The following USP20 variants were observed in gnomAD, a reference collection of about 807,000 sequenced individuals.
USP20 encodes ubiquitin specific peptidase 20, also known as ubiquitin carboxyl-terminal hydrolase 20.
In USP20, 80 loss-of-function variants were observed where a neutral mutation model predicts 124.2. That is an observed-to-expected ratio of 0.64 (90% CI 0.54 to 0.78). USP20 has a LOEUF of 0.78. Ranked by LOEUF, USP20 falls within the 30% of genes least tolerant of loss-of-function variation. The pLI, the probability that USP20 is intolerant of heterozygous loss-of-function variation, is 0.00. For synonymous variants in USP20, 481 were observed against 512.3 expected (o/e 0.94, Z 0.83); for missense variants, 1,043 against 1,244.4 (o/e 0.84, Z 2.44).
chr9:129,860,095 C>A (rs58566252), intron 6 of USP20, among the ~76,000 whole-genome samples: 1 of 151,954 alleles, frequency 6.6e-6, no homozygotes, highest in Non-Finnish European at 1.5e-5. Context: ...CTTTGGGAGG[C>A]CGAGGCGGGC....
chr9:129,853,634 C>T (rs1400207520), intron 3 of USP20, among the ~76,000 whole-genome samples: 2 of 152,208 alleles, frequency 1.3e-5, no homozygotes, highest in African/African-American at 2.4e-5. Flanking sequence ...TGTCATGGGG[C>T]CTGGCATGGG....
At chr9:129,859,284 A>ATTTTATTTTATTTTATTTATTTT (rs1554746154) in intron 6 of USP20, among the ~76,000 whole-genome samples, 26 of 137,960 alleles carry the variant, frequency 1.9e-4, no homozygotes, top group East Asian at 6.2e-4. Context: ...ATTTTATTTT[A>ATTTTATTTTATTTTATTTATTTT]ATTTTTTGAG....
At chr9:129,878,106 T>C (rs2034482880) in intron 22 of USP20, among the ~76,000 whole-genome samples, 1 of 152,102 alleles carries the variant, frequency 6.6e-6, no homozygotes, top group Non-Finnish European at 1.5e-5. Flanking sequence ...CTCAGTTGGG[T>C]CAAACAGTTA....
At chr9:129,872,250 G>A (rs774002843) in intron 15 of USP20, among the ~76,000 whole-genome samples, 16 of 151,058 alleles carry the variant, frequency 1.1e-4, no homozygotes, top group Non-Finnish European at 1.8e-4. Flanking sequence ...CCTCCTGGGT[G>A]CAAGCAGTCC....
At chr9:129,862,077 A>G (rs1158515044) in intron 8 of USP20, among the ~76,000 whole-genome samples, 2 of 152,200 alleles carry the variant, frequency 1.3e-5, no homozygotes, top group East Asian at 1.9e-4. Flanking sequence ...CATGAGGCCA[A>G]GGATGTCTCC....
intron 22 of USP20, among the ~76,000 whole-genome samples, chr9:129,877,404 C>T (rs146241938): frequency 5.3e-5 from 8 of 152,234 alleles, no homozygotes; most frequent in South Asian, 2.1e-4. Context: ...CTGTAGTCCC[C>T]GCTACCTGGA....
At chr9:129,840,207 G>T (rs2032120745) in intron 1 of USP20, among the ~76,000 whole-genome samples, 1 of 152,194 alleles carries the variant, frequency 6.6e-6, no homozygotes. Context: ...TGGCCTTTAT[G>T]AAATGCCTGC....
intron 2 of USP20, among the ~76,000 whole-genome samples, chr9:129,851,163 G>C (rs1221408543): frequency 6.6e-6 from 1 of 151,686 alleles, no homozygotes; most frequent in Non-Finnish European, 1.5e-5. Flanking sequence ...GTTTTCTTTT[G>C]AAATAATTAT....
At chr9:129,848,521 C>T (rs1022795983) in intron 1 of USP20, among the ~76,000 whole-genome samples, 1 of 151,882 alleles carries the variant, frequency 6.6e-6, no homozygotes, top group Non-Finnish European at 1.5e-5. Context: ...GGCATGGTGG[C>T]ACACAGCTGT....
intron 1 of USP20, among the ~76,000 whole-genome samples, chr9:129,847,859 A>G (rs558207816): frequency 1.3e-5 from 2 of 151,324 alleles, no homozygotes; most frequent in African/African-American, 2.4e-5. Flanking sequence ...GGAATTTTAT[A>G]TAAATAGAAT....
intron 5 of USP20, 21 bp downstream of exon 5, chr9:129,858,133 T>A (rs932722734): frequency 1.2e-5 from 20 of 1,612,660 alleles, no homozygotes; most frequent in Non-Finnish European, 1.7e-5. Context: ...TGGCTGAGAG[T>A]ATGGGCCCTG....
At chr9:129,861,443 G>A in intron 7 of USP20, 100 bp from the exon 8 acceptor site, 1 of 1,065,264 alleles carries the variant, frequency 9.4e-7, no homozygotes, top group South Asian at 1.3e-5. Context: ...TTGGGTCTTG[G>A]GCAGTTGAGA....
chr9:129,837,687 A>G (rs1210950213), intron 1 of USP20, among the ~76,000 whole-genome samples: 1 of 152,186 alleles, frequency 6.6e-6, no homozygotes, highest in Non-Finnish European at 1.5e-5. Flanking sequence ...CAAATAGAGC[A>G]AAACAAGGGA....
intron 10 of USP20, among the ~76,000 whole-genome samples, chr9:129,866,375 G>T (rs1176753754): frequency 6.6e-6 from 1 of 152,230 alleles, no homozygotes; most frequent in East Asian, 1.9e-4. Flanking sequence ...CATTTAAGTG[G>T]TCACAACTTA....
intron 9 of USP20, among the ~76,000 whole-genome samples, chr9:129,863,808 G>A (rs2033671076): frequency 6.6e-6 from 1 of 152,230 alleles, no homozygotes; most frequent in African/African-American, 2.4e-5. Flanking sequence ...TGTAGAAGCG[G>A]ATGAAAAACC....
rs1275546307 is a variant in USP20, at chr9:129,858,463, C to G, written c.199-4C>G. 8 of 1,614,092 alleles carry G rather than the reference C, an allele frequency of 5.0e-6. No homozygotes were observed. In the South Asian group the frequency reaches 7.7e-5, roughly 16 times the overall value. On this transcript the variant is annotated splice_polypyrimidine_tract_variant and splice_region_variant and intron_variant, in intron 5 of 25. Coordinates refer to ENST00000372429, the MANE Select transcript of USP20 (RefSeq NM_001110303.4). ...TGGACCTTGTTTTGGATATCACCCT[C>G]TAGGCAAAAAAGCACAACTTGACCG...
intron 6 of USP20, among the ~76,000 whole-genome samples, chr9:129,860,095 C>T (rs58566252): frequency 0.038 from 5,762 of 152,050 alleles, 375 homozygotes; most frequent in African/African-American, 0.13. Flanking sequence ...CTTTGGGAGG[C>T]CGAGGCGGGC....
In USP20 at chr9:129,880,289, T is replaced by C. The variant is rs767607985; in HGVS notation, c.*16T>C. The C allele has an allele frequency of 6.4e-7, 1 of 1,572,470 alleles. No homozygotes were observed. ...GGCCGTGTGATCTGCTGGGCTAGTCTGTAAGTCGCCCCGGCTGGTCCCTCC... is the reference window on the plus strand; with the variant it reads ...GGCCGTGTGATCTGCTGGGCTAGTCCGTAAGTCGCCCCGGCTGGTCCCTCC... On this transcript the variant is annotated splice_region_variant and 3_prime_UTR_variant, in exon 25 of 26. Transcript: ENST00000372429.
chr9:129,873,614 C>T, intron 16 of USP20, 85 bp from the exon 17 acceptor site: 1 of 1,613,400 alleles, frequency 6.2e-7, no homozygotes, highest in Non-Finnish European at 8.5e-7. Flanking sequence ...TCCTGCCTTC[C>T]CAGAAGGGAG....
Sources: gnomAD v4.1 joint callset for allele counts (sites outside exome capture counted in the v4.1 genomes callset) on GRCh38, gnomAD v4.1.1 for gene constraint, MANE v1.5 for transcripts, NCBI Gene and HGNC (gene_info 2026-07-23, HGNC 2026-07-21) for gene names.